LRCH1: variants seen among roughly 807,000 people sequenced by gnomAD.
The protein encoded by LRCH1 is leucine rich repeats and calponin homology domain containing 1.
A neutral mutation model predicts 94.9 loss-of-function variants in LRCH1; 23 were observed. That is an observed-to-expected ratio of 0.24 (90% CI 0.17 to 0.34). The LOEUF (loss-of-function observed/expected upper bound fraction) is 0.34. Ranked by LOEUF, LRCH1 falls within the 10% of genes least tolerant of loss-of-function variation. LRCH1 has a pLI of 1.00. For missense variants in LRCH1, 790 were observed against 945.9 expected (o/e 0.84, Z 2.16); for synonymous variants, 364 against 354.9 (o/e 1.03, Z -0.29).
chr13:46,674,295 A>G (rs77061169), intron 3 of LRCH1, among the ~76,000 whole-genome samples: 1 of 152,196 alleles, frequency 6.6e-6, no homozygotes, highest in African/African-American at 2.4e-5. Flanking sequence ...ATGCATTCCC[A>G]TTCAGTCACT....
chr13:46,660,842 C>T (rs1448505722), intron 2 of LRCH1, among the ~76,000 whole-genome samples: 4 of 152,160 alleles, frequency 2.6e-5, no homozygotes, highest in African/African-American at 7.2e-5. Context: ...CTTATTTCCC[C>T]GGTTCCCTAA....
rs775023587 is a variant in LRCH1 at position 46,681,756 on chromosome 13, G to A, written c.595G>A (p.Glu199Lys). The change falls in exon 4 of 20, where the codon GAG becomes AAG. Residue 199 changes from glutamate (E) to lysine (K), a missense_variant. By Grantham distance (56) the Glu-to-Lys change is moderately conservative. Coordinates refer to ENST00000389797, the MANE Select transcript of LRCH1 (RefSeq NM_001164211.2). ...QLMELDVSCN[E>K]ITALPQQIGQ... ...TTTGATACAGGATGTCAGCTGCAACGAGATCACAGCGTTGCCCCAGCAGAT... is the reference window on the plus strand; with the variant it reads ...TTTGATACAGGATGTCAGCTGCAACAAGATCACAGCGTTGCCCCAGCAGAT... 14 of 1,611,734 alleles carry A rather than the reference G, an allele frequency of 8.7e-6. No individual in the cohort carries two copies. Among genetic ancestry groups the A allele is most frequent in the African/African-American group, 1.3e-5 (1 of 74,850 alleles).
intron 10 of LRCH1, among the ~76,000 whole-genome samples, chr13:46,700,409 C>G (rs1289265679): frequency 6.6e-6 from 1 of 152,198 alleles, no homozygotes; most frequent in Non-Finnish European, 1.5e-5. Context: ...ACCAGCTACT[C>G]ACTGGATATG....
At chr13:46,724,910 T>G (rs7333406) in intron 17 of LRCH1, among the ~76,000 whole-genome samples, 36,369 of 152,058 alleles carry the variant, frequency 0.24, 4,674 homozygotes, top group East Asian at 0.44. Context: ...CACTCATATG[T>G]CTATCACAGC....
intron 1 of LRCH1, among the ~76,000 whole-genome samples, chr13:46,572,446 T>C (rs2050250923): frequency 6.6e-6 from 1 of 152,236 alleles, no homozygotes; most frequent in Admixed American, 6.5e-5. Context: ...AAAGATAAAA[T>C]AGGTGCGTGA....
chr13:46,726,643 A>G (rs999978737), intron 17 of LRCH1, among the ~76,000 whole-genome samples: 8 of 152,086 alleles, frequency 5.3e-5, no homozygotes, highest in Non-Finnish European at 1.2e-4. Context: ...AGGAGCCAGA[A>G]ATTTCATCCC....
At chr13:46,730,769 G>A (rs1310106873) in intron 18 of LRCH1, among the ~76,000 whole-genome samples, 1 of 152,050 alleles carries the variant, frequency 6.6e-6, no homozygotes, top group Admixed American at 6.6e-5. Flanking sequence ...TCTGAGTCTC[G>A]TGCCAGATTC....
intron 15 of LRCH1, among the ~76,000 whole-genome samples, 165 bp from the exon 16 acceptor site, chr13:46,715,395 T>C (rs540489826): frequency 6.6e-6 from 1 of 152,346 alleles, no homozygotes; most frequent in South Asian, 2.1e-4. Flanking sequence ...GCACCATCTT[T>C]CATTCTTCTC....
intron 15 of LRCH1, 105 bp from the exon 16 acceptor site, chr13:46,715,455 C>A: frequency 1.5e-6 from 1 of 668,750 alleles, no homozygotes; most frequent in South Asian, 1.6e-5. Flanking sequence ...ATCCACTCTT[C>A]ATTTCCATGC....
intron 1 of LRCH1, among the ~76,000 whole-genome samples, chr13:46,570,710 G>A (rs2050232319): frequency 6.6e-6 from 1 of 152,242 alleles, no homozygotes; most frequent in East Asian, 1.9e-4. Flanking sequence ...GGGAAGAGTA[G>A]TACCATAAAG....
Position 46,668,769 on chromosome 13 carries a change from G to C in LRCH1, c.453-261G>C, listed in dbSNP as rs1013800666. Among the ~76,000 whole-genome samples, 7 of 152,070 alleles carry C rather than the reference G, an allele frequency of 4.6e-5. No individual in the cohort carries two copies. The East Asian group carries it at 1.4e-3, about 29-fold the overall frequency. Reference sequence around the variant, plus strand: ...CGGGGGGACTTTGATGGCATTCCTTGTGTTGAATAAAGTTGTCTCTTTGAG... The same window carrying C: ...CGGGGGGACTTTGATGGCATTCCTTCTGTTGAATAAAGTTGTCTCTTTGAG... On this transcript the variant is annotated intron_variant, in intron 2 of 19. Transcript: ENST00000389797.
chr13:46,705,383 T>C, intron 13 of LRCH1, 79 bp downstream of exon 13: 2 of 1,242,894 alleles, frequency 1.6e-6, no homozygotes. Flanking sequence ...CTGTAAAGAT[T>C]TGTCAGGGAG....
chr13:46,729,152 C>T (rs1046420250), intron 18 of LRCH1, among the ~76,000 whole-genome samples, 168 bp downstream of exon 18: 1 of 152,092 alleles, frequency 6.6e-6, no homozygotes, highest in Non-Finnish European at 1.5e-5. Context: ...TTGAATGAAG[C>T]AACATTTTCC....
chr13:46,586,439 A>G (rs2050435956), intron 1 of LRCH1, among the ~76,000 whole-genome samples: 2 of 152,252 alleles, frequency 1.3e-5, no homozygotes, highest in East Asian at 1.9e-4. Flanking sequence ...TTTTTGAGAC[A>G]GGGTCTCCCT....
chr13:46,589,050 T>A (rs6561322), intron 1 of LRCH1, among the ~76,000 whole-genome samples: 124,191 of 151,884 alleles, frequency 0.82, 50,943 homozygotes, highest in East Asian at 0.91. Context: ...CTCTATATAT[T>A]TTTTAAGGCA....
intron 8 of LRCH1, among the ~76,000 whole-genome samples, chr13:46,694,308 TC>T (rs1871063329): frequency 6.6e-6 from 1 of 152,102 alleles, no homozygotes; most frequent in Non-Finnish European, 1.5e-5. Context: ...CTCCCCCACC[TC>T]CCCTGGAACA....
At chr13:46,660,437 A>G (rs1282403366) in intron 2 of LRCH1, among the ~76,000 whole-genome samples, 2 of 152,142 alleles carry the variant, frequency 1.3e-5, no homozygotes, top group African/African-American at 4.8e-5. Context: ...TATATGATCA[A>G]TGTCCAGGTA....
intron 1 of LRCH1, among the ~76,000 whole-genome samples, chr13:46,569,011 C>T (rs530293890): frequency 2.6e-5 from 4 of 152,322 alleles, no homozygotes; most frequent in East Asian, 3.9e-4. Context: ...ATTGCTAAAT[C>T]AATGCCTCCT....
chr13:46,583,697 A>G (rs943665006), intron 1 of LRCH1, among the ~76,000 whole-genome samples: 11 of 151,776 alleles, frequency 7.2e-5, no homozygotes, highest in Admixed American at 3.3e-4. Flanking sequence ...ATTACTATAC[A>G]TTTTTGAACG....
Sources: gnomAD v4.1 joint callset for allele counts (sites outside exome capture counted in the v4.1 genomes callset) on GRCh38, gnomAD v4.1.1 for gene constraint, MANE v1.5 for transcripts, NCBI Gene and HGNC (gene_info 2026-07-23, HGNC 2026-07-21) for gene names.